The following MALRD1 variants were observed in gnomAD, a reference collection of about 807,000 sequenced individuals.
MALRD1 encodes the protein MAM and LDL-receptor class A domain-containing protein 1.
In MALRD1, 247 loss-of-function variants were observed where a neutral mutation model predicts 242.1. That is an observed-to-expected ratio of 1.02 (90% CI 0.92 to 1.13). The LOEUF (loss-of-function observed/expected upper bound fraction) is 1.13, where lower values mean the gene tolerates loss of function less well. MALRD1 is among the 50% of genes most tolerant of loss of function. MALRD1 has a pLI of 0.00. For synonymous variants in MALRD1, 995 were observed against 866.6 expected, an observed-to-expected ratio of 1.15 and a Z score of -2.60; for missense variants, 2,989 against 2,533.1, an observed-to-expected ratio of 1.18 and a Z score of -3.86.
chr10:19,315,108 G>GTAAATATAATTTATAT (rs1842597015), intron 21 of MALRD1, among the ~76,000 whole-genome samples: 1 of 109,570 alleles, frequency 9.1e-6, no homozygotes, highest in African/African-American at 3.4e-5. Flanking sequence ...ATAATTTATA[G>GTAAATATAATTTATAT]AAATATGTAA....
intron 38 of MALRD1, among the ~76,000 whole-genome samples, chr10:19,717,311 A>G (rs1834437575): frequency 1.3e-5 from 2 of 152,346 alleles, no homozygotes; most frequent in East Asian, 1.9e-4. Flanking sequence ...ACTTGTACTA[A>G]TGACTTGAAA....
intron 19 of MALRD1, among the ~76,000 whole-genome samples, chr10:19,270,326 TCTCTCTCTCTCACACACACA>T (rs1564517384): frequency 2.3e-5 from 2 of 88,430 alleles, no homozygotes; most frequent in African/African-American, 1.0e-4. Flanking sequence ...CTTCTCTCTC[TCTCTCTCTCTCACACACACA>T]CACACACACA....
At chr10:19,394,136 T>A (rs1410655734) in intron 28 of MALRD1, among the ~76,000 whole-genome samples, 1 of 152,206 alleles carries the variant, frequency 6.6e-6, no homozygotes, top group Non-Finnish European at 1.5e-5. Flanking sequence ...ATAATGTGTT[T>A]CAGGAGAGCC....
chr10:19,571,215 G>T (rs1032706636), intron 33 of MALRD1, among the ~76,000 whole-genome samples: 1 of 152,158 alleles, frequency 6.6e-6, no homozygotes, highest in Admixed American at 6.5e-5. Context: ...TCTGCTAGTA[G>T]TTCAGGGATC....
At chr10:19,723,180 A>T (rs1834850800) in intron 38 of MALRD1, among the ~76,000 whole-genome samples, 1 of 152,198 alleles carries the variant, frequency 6.6e-6, no homozygotes, top group South Asian at 2.1e-4. Flanking sequence ...CACTCATGGA[A>T]GCATGAGAAC....
At chr10:19,100,037 A>G (rs1836195869) in intron 4 of MALRD1, among the ~76,000 whole-genome samples, 3 of 152,290 alleles carry the variant, frequency 2.0e-5, no homozygotes, top group South Asian at 2.1e-4. Flanking sequence ...TTGGGATTAT[A>G]GGTGTGAACC....
chr10:19,352,000 T>C lies in MALRD1; in HGVS notation c.4150-6T>C. ...TCGTATGTAATATTCCTATTCTTGATTACAGATTATTTTTCATTATCACAT... is the reference window on the plus strand; with the variant it reads ...TCGTATGTAATATTCCTATTCTTGACTACAGATTATTTTTCATTATCACAT... On this transcript the variant is annotated splice_polypyrimidine_tract_variant and splice_region_variant and intron_variant, in intron 25 of 39. Coordinates refer to ENST00000454679, the MANE Select transcript of MALRD1 (RefSeq NM_001142308.3). The C allele has an allele frequency of 6.5e-7, 1 of 1,537,772 alleles. No homozygotes were observed. The highest frequency in any genetic ancestry group is 8.8e-7 in the Non-Finnish European group (1 of 1,135,976).
At chr10:19,605,623 A>G (rs1235130763) in intron 34 of MALRD1, among the ~76,000 whole-genome samples, 2 of 150,850 alleles carry the variant, frequency 1.3e-5, no homozygotes, top group East Asian at 3.9e-4. Flanking sequence ...ACTTTACTAT[A>G]TGGCTTTTCT....
intron 31 of MALRD1, 112 bp from the exon 32 acceptor site, chr10:19,531,082 T>A: frequency 1.2e-6 from 1 of 836,886 alleles, no homozygotes; most frequent in East Asian, 2.9e-5. Flanking sequence ...TGAGTTCTGT[T>A]TGATTGTGTG....
intron 18 of MALRD1, among the ~76,000 whole-genome samples, chr10:19,216,761 C>T (rs535347818): frequency 6.6e-5 from 10 of 151,106 alleles, no homozygotes; most frequent in East Asian, 4.0e-4. Flanking sequence ...CTGGCTAACA[C>T]GGTGAAACCC....
At chr10:19,726,629 A>C (rs1835039380) in intron 38 of MALRD1, among the ~76,000 whole-genome samples, 1 of 152,192 alleles carries the variant, frequency 6.6e-6, no homozygotes, top group Non-Finnish European at 1.5e-5. Flanking sequence ...TAGAGACTTA[A>C]ACAGATATTC....
At chr10:19,682,626 G>A (rs1013706966) in intron 36 of MALRD1, among the ~76,000 whole-genome samples, 3 of 152,116 alleles carry the variant, frequency 2.0e-5, no homozygotes, top group South Asian at 2.1e-4. Flanking sequence ...CAAATTAATC[G>A]CTGCTACTCA....
intron 5 of MALRD1, among the ~76,000 whole-genome samples, chr10:19,111,932 G>C (rs1020868627): frequency 6.6e-6 from 1 of 152,154 alleles, no homozygotes; most frequent in Non-Finnish European, 1.5e-5. Flanking sequence ...CTTGGCTGGG[G>C]CTGCACTTTG....
chr10:19,131,639 T>C (rs1399128327), intron 8 of MALRD1, among the ~76,000 whole-genome samples: 4 of 152,136 alleles, frequency 2.6e-5, no homozygotes, highest in Non-Finnish European at 1.5e-5. Context: ...CGATCAAAAG[T>C]AGTGAAACTC....
intron 14 of MALRD1, among the ~76,000 whole-genome samples, chr10:19,189,698 G>A (rs1037170399): frequency 1.3e-5 from 2 of 151,482 alleles, no homozygotes; most frequent in Non-Finnish European, 2.9e-5. Context: ...ACAGAACGAA[G>A]GAAAGAAAAA....
chr10:19,649,740 T>C (rs1171660125), intron 36 of MALRD1, among the ~76,000 whole-genome samples: 1 of 152,180 alleles, frequency 6.6e-6, no homozygotes, highest in East Asian at 1.9e-4. Context: ...TTAGATACCA[T>C]TGGTCAATTT....
intron 2 of MALRD1, among the ~76,000 whole-genome samples, chr10:19,067,918 T>C (rs2131246620): frequency 6.6e-6 from 1 of 152,240 alleles, no homozygotes; most frequent in Non-Finnish European, 1.5e-5. Flanking sequence ...TGTCAAAAAT[T>C]ACTTTTGTTT....
intron 18 of MALRD1, among the ~76,000 whole-genome samples, chr10:19,235,974 G>T (rs916422497): frequency 8.5e-5 from 13 of 152,132 alleles, no homozygotes; most frequent in Admixed American, 2.0e-4. Flanking sequence ...ATAGAGCAAA[G>T]AAATATTTAA....
At chr10:19,410,621 ACTTC>A (rs1833237190) in intron 28 of MALRD1, among the ~76,000 whole-genome samples, 1 of 151,118 alleles carries the variant, frequency 6.6e-6, no homozygotes, top group Non-Finnish European at 1.5e-5. Flanking sequence ...CTAGTGAACA[ACTTC>A]CTTCCTCCCT....
Sources: allele counts gnomAD v4.1 joint callset (sites outside exome capture counted in the v4.1 genomes callset), GRCh38; gene constraint gnomAD v4.1.1; transcripts MANE v1.5; gene names NCBI Gene and HGNC (gene_info 2026-07-23, HGNC 2026-07-21).